Variants in SLC30A6 observed in about 807,000 individuals in gnomAD.
The protein encoded by SLC30A6 is solute carrier family 30 member 6, also known as zinc transporter 6.
In SLC30A6, 55 loss-of-function variants were observed where a neutral mutation model predicts 63.0. That is an observed-to-expected ratio of 0.87 (90% confidence interval 0.70 to 1.09). The LOEUF is 1.09. Ranked by LOEUF, SLC30A6 falls within the 50% of genes least tolerant of loss-of-function variation. The pLI is 0.00. For synonymous variants in SLC30A6, 224 were observed against 186.1 expected (o/e 1.20, Z -1.66); for missense variants, 587 against 549.2 (o/e 1.07, Z -0.69).
At position 32,220,224 on chromosome 2, in the gene SLC30A6, G is replaced by C. The variant is rs1199157652; in HGVS notation, c.897G>C (p.Val299=). 2 of 1,613,644 alleles carry C rather than the reference G, an allele frequency of 1.2e-6. No homozygotes were observed. The highest frequency in any genetic ancestry group is 2.7e-5 in the African/African-American group (2 of 74,900). ...TLGFGSLAGS[V]HVRIRRDANE... is the part of the protein sequence containing the mutation. ...TTTGCCCCTTTTAGGCTGGATCAGTGCATGTAAGAATTCGACGAGATGCCA... is the reference window on the plus strand; with the variant it reads ...TTTGCCCCTTTTAGGCTGGATCAGTCCATGTAAGAATTCGACGAGATGCCA... The change falls in exon 14 of 14, where the codon GTG becomes GTC. Residue 299 remains valine (V), a synonymous_variant. Transcript: ENST00000282587.
chr2:32,174,241 TGAA>T, intron 3 of SLC30A6, 94 bp downstream of exon 3: 3 of 867,638 alleles, frequency 3.5e-6, no homozygotes, highest in Non-Finnish European at 3.5e-6. Context: ...TATATTATTC[TGAA>T]ATGTATATAA....
intron 13 of SLC30A6, among the ~76,000 whole-genome samples, chr2:32,213,113 C>T (rs1364734344): frequency 1.3e-5 from 2 of 151,216 alleles, no homozygotes; most frequent in East Asian, 3.9e-4. Context: ...TGCTGTGTTG[C>T]CTAGGCTGGT....
intron 4 of SLC30A6, among the ~76,000 whole-genome samples, chr2:32,181,437 T>C (rs1682298425): frequency 6.6e-6 from 1 of 152,144 alleles, no homozygotes; most frequent in Non-Finnish European, 1.5e-5. Flanking sequence ...ATAGAAAAAT[T>C]TTCAGAGATT....
chr2:32,192,922 G>A lies in SLC30A6; in HGVS notation c.370G>A (p.Glu124Lys). The change falls in exon 7 of 14, where the codon GAA becomes AAA. Residue 124 changes from glutamate to lysine, a missense_variant. Transcript: ENST00000282587. Reference sequence around the variant, plus strand: ...ATATATTTTTATTTCTTATAGTGCAGAACGCTTTTTGGAACAGCCCGAGAT... The same window carrying A: ...ATATATTTTTATTTCTTATAGTGCAAAACGCTTTTTGGAACAGCCCGAGAT... The part of the protein sequence containing the change: ...GALFILKESA[E>K]RFLEQPEIHT... The A allele has an allele frequency of 2.6e-6, 4 of 1,527,230 alleles. No homozygotes were observed. Among genetic ancestry groups the A allele is most frequent in the Non-Finnish European group, 3.6e-6 (4 of 1,126,076 alleles). 94.6% of individuals were successfully genotyped at this position (1,527,230 alleles called of 1,614,324 possible).
chr2:32,201,775 T>G (rs1424948004), intron 10 of SLC30A6: 21 of 1,354,394 alleles, frequency 1.6e-5, no homozygotes, highest in Admixed American at 7.7e-5. Context: ...CAAGATAAGC[T>G]GAAAATACAT....
intron 2 of SLC30A6, among the ~76,000 whole-genome samples, chr2:32,172,496 A>T (rs1371166810): frequency 6.6e-6 from 1 of 151,904 alleles, no homozygotes; most frequent in Non-Finnish European, 1.5e-5. Flanking sequence ...TTACAGGGGT[A>T]CACCACCACT....
At chr2:32,173,958 T>A in intron 2 of SLC30A6, 105 bp from the exon 3 acceptor site, 1 of 764,800 alleles carries the variant, frequency 1.3e-6, no homozygotes, top group Non-Finnish European at 2.0e-6. Flanking sequence ...TTGAAGGAAG[T>A]TATGTTTATT....
chr2:32,204,543 C>T, intron 10 of SLC30A6, 47 bp from the exon 11 acceptor site: 1 of 1,253,386 alleles, frequency 8.0e-7, no homozygotes, highest in Non-Finnish European at 1.2e-6. Context: ...TTGTAATATG[C>T]CCAGTGAGAT....
intron 6 of SLC30A6, 150 bp from the exon 7 acceptor site, chr2:32,192,768 A>G (rs2148853770): frequency 2.0e-6 from 1 of 509,316 alleles, no homozygotes; most frequent in East Asian, 3.3e-5. Context: ...AGGATAATTT[A>G]TGAGTCTCCT....
intron 4 of SLC30A6, chr2:32,177,508 T>C: frequency 4.1e-6 from 1 of 243,094 alleles, no homozygotes; most frequent in South Asian, 3.3e-5. Context: ...GCTGGGCTGG[T>C]CTCAAACTCC....
chr2:32,189,998 C>G (rs1482901394), intron 5 of SLC30A6, among the ~76,000 whole-genome samples: 1 of 152,018 alleles, frequency 6.6e-6, no homozygotes, highest in Admixed American at 6.6e-5. Context: ...GCACCTTTGC[C>G]TATGTTGATT....
At chr2:32,202,908 C>T in intron 10 of SLC30A6, 1 of 1,067,222 alleles carries the variant, frequency 9.4e-7, no homozygotes, top group Non-Finnish European at 1.5e-6. Context: ...CATCCGGTGT[C>T]ATTGGTCTCA....
chr2:32,202,834 A>G lies in SLC30A6; in HGVS notation c.666-1756A>G. Reference sequence around the variant, plus strand: ...GCAAAAAAATGAGTGAAATCCAGATACGAACAGATTGATGTTTTTGGAAAA... The same window carrying G: ...GCAAAAAAATGAGTGAAATCCAGATGCGAACAGATTGATGTTTTTGGAAAA... On this transcript the variant is annotated intron_variant, in intron 10 of 13. Transcript: ENST00000282587. 1.3e-5 allele frequency: 11 copies of G among 826,214 alleles called. No homozygotes were observed. The South Asian group carries it at 1.3e-4, about 10-fold the overall frequency. The allele number at this position is 826,214 out of a possible 1,614,324, so 51.2% of individuals were successfully genotyped here. A position where few individuals can be genotyped will look rare whatever the true frequency, so the allele number is the denominator to read the frequency against.
intron 7 of SLC30A6, 59 bp from the exon 8 acceptor site, chr2:32,193,830 T>C: frequency 7.2e-7 from 1 of 1,384,090 alleles, no homozygotes; most frequent in Admixed American, 1.7e-5. Flanking sequence ...CGTATTGAAA[T>C]TACATACTGA....
At chr2:32,168,162 G>A (rs886796300) in intron 1 of SLC30A6, among the ~76,000 whole-genome samples, 29 of 150,492 alleles carry the variant, frequency 1.9e-4, no homozygotes, top group African/African-American at 5.9e-4. Context: ...AAGGTTTTGC[G>A]TTTATTAAGA....
At chr2:32,206,790 C>T in intron 11 of SLC30A6, 96 bp from the exon 12 acceptor site, 2 of 933,390 alleles carry the variant, frequency 2.1e-6, no homozygotes, top group South Asian at 2.7e-5. Context: ...AAAGCAAAGG[C>T]TGGCTTAAAA....
chr2:32,172,211 ATTTGATGAC>A (rs781678201), intron 2 of SLC30A6, among the ~76,000 whole-genome samples: 5 of 152,192 alleles, frequency 3.3e-5, no homozygotes, highest in Non-Finnish European at 7.4e-5. Context: ...TTCAGTAAAT[ATTTGATGAC>A]TTTTAAGTAA....
rs114716582 is a variant in SLC30A6, at chr2:32,182,283, C to T, written c.219-1990C>T. ...AGAAACTCATTTGGCTGCCTTTATC[C>T]GATGCAATTTCAAAAATCATTCATC... On this transcript the variant is annotated intron_variant, in intron 4 of 13. Transcript: ENST00000282587. Among the ~76,000 whole-genome samples, 422 of 152,210 alleles carry T rather than the reference C, an allele frequency of 2.8e-3. 4 individuals are homozygous for T. The highest frequency in any genetic ancestry group is 9.9e-3 in the African/African-American group (409 of 41,518).
chr2:32,175,480 A>T, intron 4 of SLC30A6, 119 bp downstream of exon 4: 2 of 828,338 alleles, frequency 2.4e-6, no homozygotes, highest in Non-Finnish European at 3.8e-6. Context: ...AGAAAACAAT[A>T]AAAACATTAT....
Sources: gnomAD v4.1 joint callset for allele counts (sites outside exome capture counted in the v4.1 genomes callset) on GRCh38, gnomAD v4.1.1 for gene constraint, MANE v1.5 for transcripts, NCBI Gene and HGNC (gene_info 2026-07-23, HGNC 2026-07-21) for gene names.